The following SLC4A4 variants were observed in gnomAD, a reference collection of about 807,000 sequenced individuals.
SLC4A4 encodes electrogenic sodium bicarbonate cotransporter 1.
A neutral mutation model predicts 111.5 loss-of-function variants in SLC4A4; 27 were observed. That is an observed-to-expected ratio of 0.24 (90% CI 0.18 to 0.33). The LOEUF is 0.33. Ranked by LOEUF, SLC4A4 falls within the 10% of genes least tolerant of loss-of-function variation. SLC4A4 has a pLI of 1.00. For missense variants in SLC4A4, 909 were observed against 1,315.5 expected (o/e 0.69, Z 4.78); for synonymous variants, 443 against 463.4 (o/e 0.96, Z 0.57).
chr4:71,338,425 TG>T (rs1728602280), intron 3 of SLC4A4, among the ~76,000 whole-genome samples: 2 of 152,212 alleles, frequency 1.3e-5, no homozygotes, highest in African/African-American at 4.8e-5. Flanking sequence ...ATAACATTGT[TG>T]GTTTTACCCA....
At position 71,310,086 on chromosome 4, in the gene SLC4A4, G is replaced by A. The variant is rs575267006; in HGVS notation, c.254-29284G>A. On this transcript the variant is annotated intron_variant, in intron 3 of 25. Coordinates refer to ENST00000264485, the MANE Select transcript of SLC4A4 (RefSeq NM_001098484.3). ...ATCAAGCAGAAGAAAGGATATCAGA[G>A]ATTGAAGATGAACTTAATGAAATAA... 1.8e-4 allele frequency among the ~76,000 whole-genome samples: 28 copies of A among 151,780 alleles called. No homozygotes were observed. In the East Asian group the frequency reaches 5.5e-3, roughly 30 times the overall value.
At chr4:71,358,714 T>G (rs1287451501) in intron 6 of SLC4A4, among the ~76,000 whole-genome samples, 1 of 152,190 alleles carries the variant, frequency 6.6e-6, no homozygotes, top group African/African-American at 2.4e-5. Flanking sequence ...TGGCTTTTTT[T>G]TTGTTGTTTT....
At chr4:71,325,368 A>C (rs1160104524) in intron 3 of SLC4A4, among the ~76,000 whole-genome samples, 2 of 152,042 alleles carry the variant, frequency 1.3e-5, no homozygotes, top group Non-Finnish European at 2.9e-5. Context: ...TGCAAATGGC[A>C]GAAAATTTAG....
chr4:71,420,806 G>A (rs13138339), intron 7 of SLC4A4, among the ~76,000 whole-genome samples: 18,227 of 141,948 alleles, frequency 0.13, 1,140 homozygotes, highest in South Asian at 0.23. Context: ...GTCACCACCA[G>A]GCCTGCCCTA....
intron 1 of SLC4A4, among the ~76,000 whole-genome samples, chr4:71,192,729 G>C (rs1745789833): frequency 6.6e-6 from 1 of 151,452 alleles, no homozygotes; most frequent in South Asian, 2.1e-4. Context: ...AAAATTGTAT[G>C]TCATCATACC....
intron 20 of SLC4A4, among the ~76,000 whole-genome samples, chr4:71,548,767 A>G (rs1029865648): frequency 5.3e-5 from 8 of 151,938 alleles, no homozygotes; most frequent in Admixed American, 1.3e-4. Context: ...ATAGAAGTAC[A>G]CATAGTGAAA....
At chr4:71,391,298 G>C (rs1200577165) in intron 6 of SLC4A4, among the ~76,000 whole-genome samples, 1 of 152,034 alleles carries the variant, frequency 6.6e-6, no homozygotes, top group African/African-American at 2.4e-5. Flanking sequence ...TAGGCCATGA[G>C]ATCTTTGTTT....
chr4:71,419,421 C>T (rs1291910553), intron 7 of SLC4A4, among the ~76,000 whole-genome samples: 1 of 152,050 alleles, frequency 6.6e-6, no homozygotes, highest in Non-Finnish European at 1.5e-5. Context: ...CCCCCAGCCT[C>T]ACTGCCGCCT....
chr4:71,063,103 A>T (rs1741429965), intron 1 of SLC4A4, among the ~76,000 whole-genome samples: 1 of 152,232 alleles, frequency 6.6e-6, no homozygotes, highest in African/African-American at 2.4e-5. Context: ...AGATTTTAAG[A>T]TTAATGCACT....
chr4:71,213,982 A>G (rs1718279377), intron 1 of SLC4A4, among the ~76,000 whole-genome samples: 1 of 152,096 alleles, frequency 6.6e-6, no homozygotes, highest in Non-Finnish European at 1.5e-5. Context: ...AGCTGACAAG[A>G]CACTCCCTGT....
intron 1 of SLC4A4, among the ~76,000 whole-genome samples, chr4:71,088,877 T>A (rs556819477): frequency 2.5e-4 from 38 of 152,184 alleles, no homozygotes; most frequent in African/African-American, 8.9e-4. Flanking sequence ...CTGACAATTA[T>A]GTGGCTTGGA....
intron 2 of SLC4A4, among the ~76,000 whole-genome samples, chr4:71,153,683 G>A (rs956559415): frequency 1.1e-4 from 16 of 151,756 alleles, no homozygotes; most frequent in African/African-American, 2.7e-4. Context: ...TTTTTTCTTC[G>A]TCTTTGTTAG....
chr4:71,095,007 T>C (rs1017161965), intron 2 of SLC4A4, among the ~76,000 whole-genome samples: 1 of 152,212 alleles, frequency 6.6e-6, no homozygotes, highest in Non-Finnish European at 1.5e-5. Context: ...GTAAAACTGA[T>C]GATCAGTAAA....
intron 3 of SLC4A4, among the ~76,000 whole-genome samples, chr4:71,258,815 G>C (rs1386779999): frequency 6.6e-6 from 1 of 152,174 alleles, no homozygotes; most frequent in Non-Finnish European, 1.5e-5. Flanking sequence ...GCCAAAGTGG[G>C]ATTTTGGTCT....
At chr4:71,214,590 T>G (rs746436746) in intron 1 of SLC4A4, among the ~76,000 whole-genome samples, 3 of 152,230 alleles carry the variant, frequency 2.0e-5, no homozygotes, top group Non-Finnish European at 2.9e-5. Flanking sequence ...TTTGTTGAGT[T>G]CTGTGTTTAT....
At position 71,341,445 on chromosome 4, in the gene SLC4A4, A is replaced by T. The variant is rs1448111160; in HGVS notation, c.389+1940A>T. 2.0e-5 allele frequency among the ~76,000 whole-genome samples: 3 copies of T among 152,144 alleles called. No individual in the cohort carries two copies. In the East Asian group the frequency reaches 5.8e-4, roughly 29 times the overall value. The stretch of plus-strand genomic sequence containing the variant: ...ACTTAGAAAGAAATTCTAGAGTCAG[A>T]AAGAAAATATTTTTAAAAATCGCTT... On this transcript the variant is annotated intron_variant, in intron 4 of 25. Transcript: ENST00000264485.
At chr4:71,437,753 C>T (rs764746749) in intron 7 of SLC4A4, 2 of 298,188 alleles carry the variant, frequency 6.7e-6, no homozygotes, top group East Asian at 1.7e-4. Flanking sequence ...AAATTCTTGG[C>T]AAGTTCAAGC....
At chr4:71,396,505 G>A (rs542758121) in intron 6 of SLC4A4, among the ~76,000 whole-genome samples, 13 of 152,100 alleles carry the variant, frequency 8.5e-5, no homozygotes, top group Non-Finnish European at 1.8e-4. Flanking sequence ...TTAGAACTTC[G>A]GTGCTTCTTT....
At chr4:71,178,335 AG>A (rs764943368) in intron 2 of SLC4A4, among the ~76,000 whole-genome samples, 3 of 152,184 alleles carry the variant, frequency 2.0e-5, no homozygotes, top group Non-Finnish European at 4.4e-5. Context: ...AGCTAGCAAA[AG>A]GCAAGAAATA....
Sources: allele counts gnomAD v4.1 joint callset (sites outside exome capture counted in the v4.1 genomes callset), GRCh38; gene constraint gnomAD v4.1.1; transcripts MANE v1.5; gene names NCBI Gene and HGNC (gene_info 2026-07-23, HGNC 2026-07-21).